Variants in POF1B observed in about 807,000 individuals in gnomAD.
POF1B encodes POF1B actin binding protein, also known as protein POF1B.
In POF1B, 53 loss-of-function variants were observed where a neutral mutation model predicts 55.3. The ratio of observed to expected loss-of-function variants is 0.96; its 90% confidence interval spans 0.77 to 1.20. POF1B has a LOEUF of 1.20. Among genes scored for constraint, POF1B ranks in the 50% most tolerant of loss-of-function variants. POF1B has a pLI of 0.00. For synonymous variants in POF1B, 188 were observed against 148.3 expected, an observed-to-expected ratio of 1.27 and a Z score of -1.95; for missense variants, 478 against 420.5, an observed-to-expected ratio of 1.14 and a Z score of -1.20.
rs974486055 is a variant in POF1B at position 85,341,857 on chromosome X, A to G, written c.723+4003T>C. On this transcript the variant is annotated intron_variant, in intron 6 of 16. Transcript: ENST00000262753. ...TTTCTGTCAATTCATTGAAGGCATC[A>G]CATCACAAATTGGAGTATTTTTCAT... 6.3e-5 allele frequency among the ~76,000 whole-genome samples: 7 copies of G among 111,365 alleles called. No homozygotes were observed. The Admixed American group carries it at 6.7e-4, about 11-fold the overall frequency.
At chrX:85,303,539 A>G (rs752360844) in intron 14 of POF1B, 51 bp from the exon 15 acceptor site, 18 of 817,537 alleles carry the variant, frequency 2.2e-5, no homozygotes, top group Non-Finnish European at 1.4e-5. Context: ...GAAACATGAG[A>G]TAATAAATAT....
intron 6 of POF1B, among the ~76,000 whole-genome samples, chrX:85,345,513 A>T (rs918197095): frequency 9.0e-6 from 1 of 111,522 alleles, no homozygotes. Context: ...ATCTTAGATA[A>T]TATAACTTCC....
rs1933386482 is a variant in POF1B, at chrX:85,351,461, T to C, written c.439-10A>G. ...ATTGAGACAGTGGTTCCTAAAATGATAGTAAATTATATGTTTTGTTTTGAA... is the reference window on the plus strand; with the variant it reads ...ATTGAGACAGTGGTTCCTAAAATGACAGTAAATTATATGTTTTGTTTTGAA... On this transcript the variant is annotated splice_polypyrimidine_tract_variant and intron_variant, in intron 4 of 16. Coordinates refer to ENST00000262753, the MANE Select transcript of POF1B (RefSeq NM_024921.4). 8.0e-6 allele frequency: 9 copies of C among 1,124,909 alleles called. No individual in the cohort carries two copies. The highest frequency in any genetic ancestry group is 2.4e-5 in the Admixed American group (1 of 42,065). The allele number at this position is 1,124,909 out of a possible 1,213,427, so 92.7% of individuals were successfully genotyped here.
At chrX:85,297,626 T>C (rs1274849880) in intron 15 of POF1B, among the ~76,000 whole-genome samples, 1 of 111,940 alleles carries the variant, frequency 8.9e-6, no homozygotes, top group African/African-American at 3.3e-5. Flanking sequence ...AGAGTATTAC[T>C]CTGCTCTGTG....
intron 6 of POF1B, among the ~76,000 whole-genome samples, chrX:85,342,025 C>T (rs60447500): frequency 0.057 from 6,368 of 111,026 alleles, 475 homozygotes; most frequent in African/African-American, 0.2. Context: ...CTTACAAATG[C>T]CACCTATATG....
intron 15 of POF1B, among the ~76,000 whole-genome samples, chrX:85,301,730 G>C (rs1329594836): frequency 8.9e-6 from 1 of 111,939 alleles, no homozygotes; most frequent in Non-Finnish European, 1.9e-5. Flanking sequence ...AAGAAGGCAG[G>C]AATGGAGGAA....
intron 4 of POF1B, 105 bp downstream of exon 4, chrX:85,359,445 G>GAA: frequency 1.7e-6 from 1 of 573,149 alleles, no homozygotes; most frequent in Non-Finnish European, 2.9e-6. Flanking sequence ...GTAACTGTAA[G>GAA]AAAGTCCAAC....
At chrX:85,371,283 CCATA>C (rs1427246590) in intron 2 of POF1B, among the ~76,000 whole-genome samples, 1 of 111,818 alleles carries the variant, frequency 8.9e-6, no homozygotes, top group Non-Finnish European at 1.9e-5. Flanking sequence ...ACTTATTTTT[CCATA>C]CAAACAAAAC....
intron 6 of POF1B, among the ~76,000 whole-genome samples, chrX:85,345,467 G>A (rs967606969): frequency 9.0e-6 from 1 of 111,234 alleles, no homozygotes; most frequent in Non-Finnish European, 1.9e-5. Flanking sequence ...CATACAGGAA[G>A]TAAATACCAG....
chrX:85,366,033 G>C (rs771548432), intron 3 of POF1B, among the ~76,000 whole-genome samples: 202 of 111,695 alleles, frequency 1.8e-3, no homozygotes, highest in African/African-American at 6.3e-3. Flanking sequence ...CACACTTATA[G>C]AAAAATGAGC....
intron 15 of POF1B, among the ~76,000 whole-genome samples, chrX:85,301,078 G>A (rs185230633): frequency 7.2e-5 from 8 of 111,823 alleles, no homozygotes; most frequent in African/African-American, 2.6e-4. Context: ...GAGGAAAGTG[G>A]CAGGAATGAT....
intron 10 of POF1B, 38 bp from the exon 11 acceptor site, chrX:85,307,314 A>G: frequency 1.0e-6 from 1 of 969,726 alleles, no homozygotes; most frequent in African/African-American, 1.9e-5. Context: ...TCAGAATTGC[A>G]AAAACTTAAC....
intron 7 of POF1B, among the ~76,000 whole-genome samples, chrX:85,329,646 A>ATTTT (rs1384771238): frequency 7.9e-5 from 8 of 101,098 alleles, no homozygotes; most frequent in African/African-American, 3.2e-4. Flanking sequence ...TTTTTTTTTA[A>ATTTT]AAAAAGAGAA....
intron 6 of POF1B, among the ~76,000 whole-genome samples, chrX:85,331,281 G>A (rs1165915814): frequency 9.0e-6 from 1 of 111,260 alleles, no homozygotes; most frequent in Non-Finnish European, 1.9e-5. Context: ...CATTTCACTC[G>A]ATTCTAAGTG....
chrX:85,356,977 C>G (rs1441996227), intron 4 of POF1B, among the ~76,000 whole-genome samples: 1 of 111,514 alleles, frequency 9.0e-6, no homozygotes. Flanking sequence ...AGATATCCAA[C>G]TTGAAGTAGA....
intron 15 of POF1B, among the ~76,000 whole-genome samples, chrX:85,284,259 C>T (rs1931982015): frequency 9.0e-6 from 1 of 111,330 alleles, no homozygotes; most frequent in African/African-American, 3.3e-5. Flanking sequence ...CAATGCCATC[C>T]CCATCAAGCT....
rs180826983 is a variant in POF1B at position 85,372,322 on chromosome X, C to T, written c.283-4556G>A. 1.5e-3 allele frequency among the ~76,000 whole-genome samples: 140 copies of T among 94,392 alleles called. 1 individual carries two copies. The highest frequency in any genetic ancestry group is 5.4e-3 in the African/African-American group (132 of 24,388). The allele number at this position is 94,392 out of a possible 115,157, so 82.0% of individuals were successfully genotyped here. On this transcript the variant is annotated intron_variant, in intron 2 of 16. Transcript: ENST00000262753. ...TCGTGCCACTGTGCTCCAGGCTGGGCGACAGAGCGAGACTCTGTCTCAAAA... is the reference window on the plus strand; with the variant it reads ...TCGTGCCACTGTGCTCCAGGCTGGGTGACAGAGCGAGACTCTGTCTCAAAA...
At chrX:85,343,130 T>C (rs1320017090) in intron 6 of POF1B, among the ~76,000 whole-genome samples, 1 of 109,884 alleles carries the variant, frequency 9.1e-6, no homozygotes, top group Non-Finnish European at 1.9e-5. Context: ...ATGGCACGTG[T>C]ATACCTATAT....
chrX:85,309,943 C>G (rs1049518544), intron 9 of POF1B, among the ~76,000 whole-genome samples: 8 of 111,859 alleles, frequency 7.2e-5, no homozygotes, highest in South Asian at 7.4e-4. Context: ...TTCACCCTAT[C>G]GCATCAAGAG....
Sources: gnomAD v4.1 joint callset for allele counts (sites outside exome capture counted in the v4.1 genomes callset) on GRCh38, gnomAD v4.1.1 for gene constraint, MANE v1.5 for transcripts, NCBI Gene and HGNC (gene_info 2026-07-23, HGNC 2026-07-21) for gene names.